The following PRPF4 variants were observed in gnomAD, a reference collection of about 807,000 sequenced individuals.
PRPF4 encodes the protein U4/U6 small nuclear ribonucleoprotein Prp4.
PRPF4 carries 14 observed loss-of-function variants against 72.2 expected under a neutral mutation model. The observed-to-expected ratio is 0.19, with a 90% confidence interval of 0.13 to 0.30. PRPF4 has a LOEUF of 0.30. Ranked by LOEUF, PRPF4 falls within the 10% of genes least tolerant of loss-of-function variation. The pLI is 1.00. For synonymous variants in PRPF4, 225 were observed against 232.2 expected, an observed-to-expected ratio of 0.97 and a Z score of 0.28; for missense variants, 478 against 653.9, an observed-to-expected ratio of 0.73 and a Z score of 2.93.
At chr9:113,291,334 C>G in intron 13 of PRPF4, 133 bp from the exon 14 acceptor site, 1 of 876,704 alleles carries the variant, frequency 1.1e-6, no homozygotes, top group Non-Finnish European at 1.7e-6. Context: ...AAAGACCTTA[C>G]TGTTATTTGT....
At chr9:113,284,559 C>A (rs1832380351) in intron 7 of PRPF4, among the ~76,000 whole-genome samples, 170 bp downstream of exon 7, 1 of 152,184 alleles carries the variant, frequency 6.6e-6, no homozygotes, top group Admixed American at 6.5e-5. Context: ...TACAATGTAG[C>A]CTTGGTTTAG....
intron 6 of PRPF4, among the ~76,000 whole-genome samples, chr9:113,283,901 C>T (rs991514909): frequency 6.6e-6 from 1 of 151,902 alleles, no homozygotes; most frequent in African/African-American, 2.4e-5. Flanking sequence ...AACCCTGTCT[C>T]TACTAAAAAT....
At chr9:113,285,878 A>G (rs542212783) in intron 7 of PRPF4, among the ~76,000 whole-genome samples, 3 of 151,990 alleles carry the variant, frequency 2.0e-5, no homozygotes, top group African/African-American at 4.8e-5. Flanking sequence ...AAAAAAATTT[A>G]AATACTTTGT....
intron 5 of PRPF4, 23 bp downstream of exon 5, chr9:113,283,234 G>A: frequency 6.2e-7 from 1 of 1,614,124 alleles, no homozygotes; most frequent in Non-Finnish European, 8.5e-7. Flanking sequence ...TCCAGTAGAA[G>A]AAAGAAGCAT....
At chr9:113,282,800 T>TTTAACTTCACAGTATAAACATGAAG in intron 4 of PRPF4, 67 bp downstream of exon 4, 1 of 1,314,484 alleles carries the variant, frequency 7.6e-7, no homozygotes, top group Non-Finnish European at 1.1e-6. Context: ...TCTCGTTTTC[T>TTTAACTTCACAGTATAAACATGAAG]GCTTTCAATG....
Position 113,283,372 on chromosome 9 carries a change from G to A in PRPF4, c.561-17G>A, listed in dbSNP as rs768255527. 8 of 1,613,930 alleles carry A rather than the reference G, an allele frequency of 5.0e-6. No individual in the cohort carries two copies. Among genetic ancestry groups the A allele is most frequent in the Non-Finnish European group, 5.1e-6 (6 of 1,179,980 alleles). ...TACAACCCTGTTGCTCCTGGTGATG[G>A]TGTTTCTGTGTCGCAGGGCAATGAA... On this transcript the variant is annotated splice_polypyrimidine_tract_variant and intron_variant, in intron 5 of 13. Transcript: ENST00000374198.
Position 113,291,927 on chromosome 9 carries a change from G to T in PRPF4, c.*267G>T. On this transcript the variant is annotated 3_prime_UTR_variant, in exon 14 of 14. Transcript: ENST00000374198. The stretch of plus-strand genomic sequence containing the variant: ...TAGACATTGTTTTTATTAATCTTTT[G>T]TTTGGCCGGGCGTGGTGGCTCACGC... 1 of 268,950 alleles carries T rather than the reference G, an allele frequency of 3.7e-6. No individual in the cohort carries two copies. The highest frequency in any genetic ancestry group is 7.1e-6 in the Non-Finnish European group (1 of 141,154). The allele number at this position is 268,950 out of a possible 1,614,324, so 16.7% of individuals were successfully genotyped here.
intron 3 of PRPF4, among the ~76,000 whole-genome samples, chr9:113,279,983 A>C (rs10733604): frequency 0.88 from 133,463 of 152,094 alleles, 58,689 homozygotes; most frequent in East Asian, 1. Context: ...TGTCTCATCT[A>C]CCCTTCATCA....
chr9:113,276,221 C>T (rs554884655), intron 1 of PRPF4, among the ~76,000 whole-genome samples: 1 of 152,332 alleles, frequency 6.6e-6, no homozygotes, highest in South Asian at 2.1e-4. Context: ...CAGTGATAAG[C>T]AGTAATCCGG....
chr9:113,286,203 G>T, intron 7 of PRPF4, 29 bp from the exon 8 acceptor site: 1 of 1,613,796 alleles, frequency 6.2e-7, no homozygotes, highest in Non-Finnish European at 8.5e-7. Flanking sequence ...ACCAACCCTG[G>T]CTGAGATGCT....
Position 113,291,369 on chromosome 9 carries a change from T to C in PRPF4, c.1373-98T>C, listed in dbSNP as rs1381196260. The C allele has an allele frequency of 1.0e-5, 13 of 1,299,134 alleles. No homozygotes were observed. In the East Asian group the frequency reaches 3.0e-4, roughly 30 times the overall value. 80.5% of individuals were successfully genotyped at this position (1,299,134 alleles called of 1,614,324 possible). A position where few individuals can be genotyped will look rare whatever the true frequency, so the allele number is the denominator to read the frequency against. On this transcript the variant is annotated intron_variant, in intron 13 of 13. Transcript: ENST00000374198. Reference sequence around the variant, plus strand: ...TTCCCTTAAGTCTGTAGAAACAAGTTTTTTTAAAAATAGTATGTTTTTGCA... The same window carrying C: ...TTCCCTTAAGTCTGTAGAAACAAGTCTTTTTAAAAATAGTATGTTTTTGCA...
chr9:113,290,408 G>A, intron 10 of PRPF4, 58 bp from the exon 11 acceptor site: 2 of 1,609,766 alleles, frequency 1.2e-6, no homozygotes, highest in Non-Finnish European at 1.7e-6. Context: ...AATACTTTAT[G>A]TGTTGTAGAA....
intron 3 of PRPF4, among the ~76,000 whole-genome samples, 181 bp from the exon 4 acceptor site, chr9:113,282,465 A>G (rs1407680388): frequency 8.1e-6 from 1 of 123,500 alleles, no homozygotes; most frequent in Non-Finnish European, 1.8e-5. Context: ...ACAAGACCTC[A>G]TCTCTTAAAA....
At chr9:113,277,772 C>T (rs974076798) in intron 2 of PRPF4, among the ~76,000 whole-genome samples, 13 of 152,082 alleles carry the variant, frequency 8.5e-5, no homozygotes, top group African/African-American at 9.7e-5. Flanking sequence ...GGCTGAGAAG[C>T]GGGAGTCTGG....
At chr9:113,290,412 T>G in intron 10 of PRPF4, 54 bp from the exon 11 acceptor site, 1 of 1,611,608 alleles carries the variant, frequency 6.2e-7, no homozygotes, top group African/African-American at 1.3e-5. Flanking sequence ...CTTTATGTGT[T>G]GTAGAAACTG....
At chr9:113,276,811 A>G (rs1422973495) in intron 2 of PRPF4, 86 bp downstream of exon 2, 27 of 1,444,224 alleles carry the variant, frequency 1.9e-5, no homozygotes, top group Non-Finnish European at 2.4e-5. Context: ...TATAATGTCA[A>G]AAAATTACAA....
intron 10 of PRPF4, among the ~76,000 whole-genome samples, chr9:113,289,820 G>A (rs1266303010): frequency 6.6e-6 from 1 of 152,094 alleles, no homozygotes; most frequent in African/African-American, 2.4e-5. Context: ...CCAATTTAGG[G>A]CCTAGTAAAT....
Position 113,289,430 on chromosome 9 carries a change from C to T in PRPF4, c.1023-1036C>T, listed in dbSNP as rs118044159. On this transcript the variant is annotated intron_variant, in intron 10 of 13. Transcript: ENST00000374198. ...CACCAGTTTTCCAAAGCGGTTACACCATTTTACATTCCCGGAGTTCTGGTT... is the reference window on the plus strand; with the variant it reads ...CACCAGTTTTCCAAAGCGGTTACACTATTTTACATTCCCGGAGTTCTGGTT... Among the ~76,000 whole-genome samples the T allele has an allele frequency of 1.2e-4, 18 of 152,276 alleles. 1 individual carries two copies. The East Asian group carries it at 3.5e-3, about 29-fold the overall frequency.
chr9:113,287,001 G>A (rs536185108), intron 9 of PRPF4, among the ~76,000 whole-genome samples, 173 bp downstream of exon 9: 17 of 152,168 alleles, frequency 1.1e-4, no homozygotes, highest in Non-Finnish European at 1.9e-4. Context: ...GTGGTGAGCC[G>A]AGATTGCACA....
Sources: allele counts gnomAD v4.1 joint callset (sites outside exome capture counted in the v4.1 genomes callset), GRCh38; gene constraint gnomAD v4.1.1; transcripts MANE v1.5; gene names NCBI Gene and HGNC (gene_info 2026-07-23, HGNC 2026-07-21).